The following NXN variants were observed in gnomAD, a reference collection of about 807,000 sequenced individuals.
NXN encodes the protein nucleoredoxin 1.
NXN carries 16 observed loss-of-function variants against 48.6 expected under a neutral mutation model. That is an observed-to-expected ratio of 0.33 (90% CI 0.22 to 0.50). The LOEUF (loss-of-function observed/expected upper bound fraction) is 0.50, where lower values mean the gene tolerates loss of function less well. NXN is among the 20% of genes least tolerant of loss of function. The pLI, the probability that NXN is intolerant of heterozygous loss-of-function variation, is 0.98. For synonymous variants in NXN, 281 were observed against 269.6 expected (o/e 1.04, Z -0.41); for missense variants, 492 against 605.5 (o/e 0.81, Z 1.97).
intron 1 of NXN, among the ~76,000 whole-genome samples, chr17:937,552 C>T (rs990620840): frequency 3.9e-5 from 6 of 152,178 alleles, no homozygotes; most frequent in Non-Finnish European, 5.9e-5. Flanking sequence ...CACACTTCTC[C>T]GAGGCTATTG....
At chr17:887,843 AAAG>A (rs1331882326) in intron 1 of NXN, among the ~76,000 whole-genome samples, 1 of 152,180 alleles carries the variant, frequency 6.6e-6, no homozygotes, top group Non-Finnish European at 1.5e-5. Context: ...ATTCGATGGA[AAAG>A]AAGAACAGAG....
At chr17:883,511 C>G (rs1264592364) in intron 1 of NXN, among the ~76,000 whole-genome samples, 1 of 152,218 alleles carries the variant, frequency 6.6e-6, no homozygotes, top group African/African-American at 2.4e-5. Flanking sequence ...AAGAAAGAAG[C>G]TGGCCAAAAA....
chr17:808,538 G>A (rs550915435), intron 5 of NXN, among the ~76,000 whole-genome samples: 10 of 151,920 alleles, frequency 6.6e-5, no homozygotes, highest in African/African-American at 9.7e-5. Flanking sequence ...CAGGTGATCC[G>A]CCCACCTCGG....
At chr17:857,659 A>G (rs970915115) in intron 1 of NXN, among the ~76,000 whole-genome samples, 3 of 152,170 alleles carry the variant, frequency 2.0e-5, no homozygotes, top group African/African-American at 4.8e-5. Flanking sequence ...TAAAAAGCTG[A>G]GCATAAAAGC....
intron 1 of NXN, among the ~76,000 whole-genome samples, chr17:895,606 A>T (rs1382567772): frequency 2.0e-5 from 3 of 149,788 alleles, no homozygotes; most frequent in Admixed American, 6.7e-5. Context: ...GGGTCAGGAG[A>T]TCAAGACCAT....
At chr17:902,501 G>A (rs536367987) in intron 1 of NXN, among the ~76,000 whole-genome samples, 4 of 152,276 alleles carry the variant, frequency 2.6e-5, no homozygotes, top group South Asian at 2.1e-4. Context: ...TCACTGGGCC[G>A]TCCTGCCCTG....
At chr17:900,657 C>T (rs1301861910) in intron 1 of NXN, among the ~76,000 whole-genome samples, 1 of 152,114 alleles carries the variant, frequency 6.6e-6, no homozygotes, top group East Asian at 1.9e-4. Flanking sequence ...AAATTCTTAC[C>T]ACTGGGACTG....
At chr17:913,338 T>G (rs1261030339) in intron 1 of NXN, among the ~76,000 whole-genome samples, 2 of 152,170 alleles carry the variant, frequency 1.3e-5, no homozygotes, top group African/African-American at 4.8e-5. Context: ...GGATGGCCCA[T>G]TTTCTCCTGG....
intron 7 of NXN, among the ~76,000 whole-genome samples, chr17:802,635 G>A (rs1455474481): frequency 6.6e-6 from 1 of 152,220 alleles, no homozygotes; most frequent in Admixed American, 6.5e-5. Flanking sequence ...CCCTGGGGCT[G>A]GGCTTGGTGT....
chr17:843,010 A>AAGAGAGAAAGAGAGAAAGAG (rs1224931131), intron 1 of NXN, among the ~76,000 whole-genome samples: 14 of 85,056 alleles, frequency 1.6e-4, no homozygotes, highest in Non-Finnish European at 1.6e-4. Flanking sequence ...GAAAGAGAGA[A>AAGAGAGAAAGAGAGAAAGAG]AGAAAGAAAG....
intron 1 of NXN, among the ~76,000 whole-genome samples, chr17:838,855 C>T (rs1567825994): frequency 6.6e-6 from 1 of 152,144 alleles, no homozygotes; most frequent in African/African-American, 2.4e-5. Flanking sequence ...CCCACCGTTC[C>T]GGGTTGAGTT....
intron 1 of NXN, among the ~76,000 whole-genome samples, chr17:848,645 T>C (rs996437737): frequency 2.6e-5 from 4 of 152,184 alleles, no homozygotes; most frequent in Admixed American, 1.3e-4. Context: ...GTCACTTTAC[T>C]TCCAAACAGC....
intron 1 of NXN, among the ~76,000 whole-genome samples, chr17:967,280 G>A (rs1007966228): frequency 3.9e-5 from 6 of 152,206 alleles, no homozygotes. Flanking sequence ...TGGGAGTCTG[G>A]GAGGACAGGA....
intron 1 of NXN, among the ~76,000 whole-genome samples, chr17:865,566 A>G (rs76869287): frequency 6.6e-6 from 1 of 152,030 alleles, no homozygotes; most frequent in Non-Finnish European, 1.5e-5. Flanking sequence ...CTATAAAGCA[A>G]TGACAGTCTC....
At chr17:928,782 G>C (rs2068825881) in intron 1 of NXN, among the ~76,000 whole-genome samples, 2 of 152,152 alleles carry the variant, frequency 1.3e-5, no homozygotes, top group African/African-American at 4.8e-5. Context: ...TTTGCAGTGA[G>C]CCGAGATCAT....
intron 1 of NXN, among the ~76,000 whole-genome samples, chr17:865,622 G>A (rs1174387898): frequency 1.3e-5 from 2 of 152,168 alleles, no homozygotes; most frequent in Non-Finnish European, 2.9e-5. Flanking sequence ...AGTCAATAAT[G>A]TCCATTATTC....
At chr17:879,816 G>A (rs2068264519) in intron 1 of NXN, 1 of 152,178 alleles carries the variant, frequency 6.6e-6, no homozygotes, top group Non-Finnish European at 1.5e-5. Context: ...AGACGGTTCA[G>A]AAGAAAGAAT....
chr17:854,829 G>A (rs1369880092), intron 1 of NXN, among the ~76,000 whole-genome samples: 1 of 151,804 alleles, frequency 6.6e-6, no homozygotes, highest in African/African-American at 2.4e-5. Context: ...TGTGGCCGCA[G>A]GCACCTGTAG....
chr17:839,661 G>A (rs1401400670), intron 1 of NXN, among the ~76,000 whole-genome samples: 1 of 150,876 alleles, frequency 6.6e-6, no homozygotes, highest in African/African-American at 2.4e-5. Context: ...AATTAGCCTG[G>A]CATGGTGGCA....
Sources: gnomAD v4.1 joint callset for allele counts (sites outside exome capture counted in the v4.1 genomes callset) on GRCh38, gnomAD v4.1.1 for gene constraint, MANE v1.5 for transcripts, NCBI Gene and HGNC (gene_info 2026-07-23, HGNC 2026-07-21) for gene names.